HOOK3: variants seen among roughly 807,000 people sequenced by gnomAD.
HOOK3 encodes the protein protein Hook homolog 3.
Under a neutral mutation model 116.3 loss-of-function variants are expected in HOOK3, and 24 were observed. The observed-to-expected ratio is 0.21, with a 90% CI of 0.15 to 0.29. The LOEUF is 0.29. Ranked by LOEUF, HOOK3 falls within the 10% of genes least tolerant of loss-of-function variation. The probability of loss-of-function intolerance (pLI) is 1.00; values close to 1 mark genes in which losing one functional copy is unlikely to be tolerated. For synonymous variants in HOOK3, 275 were observed against 283.0 expected (o/e 0.97, Z 0.28); for missense variants, 632 against 830.2 (o/e 0.76, Z 2.93).
intron 9 of HOOK3, 143 bp downstream of exon 9, chr8:42,964,617 G>A (rs935275264): frequency 3.4e-5 from 22 of 655,388 alleles, no homozygotes; most frequent in East Asian, 5.6e-5. Flanking sequence ...ACTTGAGGTC[G>A]GGGATTCAAA....
intron 6 of HOOK3, among the ~76,000 whole-genome samples, chr8:42,955,016 G>A (rs879804388): frequency 4.7e-4 from 72 of 152,172 alleles, no homozygotes; most frequent in Non-Finnish European, 7.5e-4. Flanking sequence ...GCTGGCTGGG[G>A]AAAACAGCTC....
At chr8:42,974,085 C>A (rs1182964566) in intron 12 of HOOK3, 22 bp from the exon 13 acceptor site, 4 of 1,563,776 alleles carry the variant, frequency 2.6e-6, no homozygotes, top group Middle Eastern at 1.7e-4. Flanking sequence ...AGCTAACCCT[C>A]CATGTTTTTG....
chr8:42,901,514 A>T (rs1807188433), intron 1 of HOOK3, among the ~76,000 whole-genome samples: 1 of 152,148 alleles, frequency 6.6e-6, no homozygotes. Context: ...GAACATTTTC[A>T]TCACCCCAAA....
At chr8:43,015,877 C>T (rs962275942) in intron 21 of HOOK3, among the ~76,000 whole-genome samples, 1 of 151,806 alleles carries the variant, frequency 6.6e-6, no homozygotes, top group South Asian at 2.1e-4. Context: ...GCCACCACGC[C>T]TGGCTAATTT....
intron 11 of HOOK3, among the ~76,000 whole-genome samples, chr8:42,969,311 C>T (rs544244430): frequency 5.1e-4 from 78 of 152,308 alleles, no homozygotes; most frequent in African/African-American, 1.8e-3. Flanking sequence ...CACATCATCA[C>T]CAGCACACAG....
chr8:43,023,299 TAGTG>T lies in HOOK3; in HGVS notation c.*4810_*4813del, dbSNP rs1233147787. ...AATCCGTGCTGTGCAAATAGATCAG[TAGTG>T]AGTGAGTGTTAAGTGAAAGATGAGC... On this transcript the variant is annotated 3_prime_UTR_variant, in exon 22 of 22. Transcript: ENST00000307602. 1.7e-5 allele frequency: 3 copies of T among 181,000 alleles called. No homozygotes were observed. The highest frequency in any genetic ancestry group is 3.5e-5 in the Non-Finnish European group (3 of 85,158). 11.2% of individuals were successfully genotyped at this position (181,000 alleles called of 1,614,324 possible).
intron 13 of HOOK3, among the ~76,000 whole-genome samples, chr8:42,977,296 A>C (rs1808847904): frequency 6.6e-6 from 1 of 152,164 alleles, no homozygotes; most frequent in African/African-American, 2.4e-5. Flanking sequence ...TAAAATGGGA[A>C]CCATGCTAAG....
At chr8:42,941,274 G>C (rs913244986) in intron 4 of HOOK3, among the ~76,000 whole-genome samples, 4 of 149,422 alleles carry the variant, frequency 2.7e-5, no homozygotes, top group African/African-American at 9.7e-5. Flanking sequence ...CCAGCACTTT[G>C]GGAGGCCGAG....
rs780606144 is a variant in HOOK3, at chr8:42,956,118, T to A, written c.469-976T>A. On this transcript the variant is annotated intron_variant, in intron 6 of 21. Coordinates refer to ENST00000307602, the MANE Select transcript of HOOK3 (RefSeq NM_032410.4). ...AGGAAACAACAGAAGACTGGGGCCA[T>A]TTGAGTCTCTCCCTGACAGTTGTCA... Among the ~76,000 whole-genome samples the A allele has an allele frequency of 4.6e-5, 7 of 152,228 alleles. No homozygotes were observed. The South Asian group carries it at 1.0e-3, about 23-fold the overall frequency.
rs746419478 is a variant in HOOK3 at position 43,018,228 on chromosome 8, G to A, written c.2017-130G>A. 6 of 804,184 alleles carry A rather than the reference G, an allele frequency of 7.5e-6. No individual in the cohort carries two copies. The Admixed American group carries it at 1.1e-4, about 14-fold the overall frequency. The allele number at this position is 804,184 out of a possible 1,614,324, so 49.8% of individuals were successfully genotyped here. ...TGCCTCTATGAGATTTTAATCTATA[G>A]TGAGTAGTATTAACATTCCTAATTG... On this transcript the variant is annotated intron_variant, in intron 21 of 21. Coordinates refer to ENST00000307602, the MANE Select transcript of HOOK3 (RefSeq NM_032410.4).
chr8:42,965,663 A>G (rs542734283), intron 9 of HOOK3, among the ~76,000 whole-genome samples: 3 of 152,322 alleles, frequency 2.0e-5, no homozygotes, highest in African/African-American at 4.8e-5. Context: ...TTAAACATCA[A>G]TTAGATTTTT....
intron 14 of HOOK3, among the ~76,000 whole-genome samples, chr8:42,984,386 G>T (rs1809010328): frequency 6.6e-6 from 1 of 151,072 alleles, no homozygotes; most frequent in African/African-American, 2.4e-5. Flanking sequence ...AAAAAAATAA[G>T]AAGTACAAAC....
At chr8:42,957,051 C>A in intron 6 of HOOK3, 43 bp from the exon 7 acceptor site, 2 of 1,126,032 alleles carry the variant, frequency 1.8e-6, no homozygotes, top group South Asian at 1.5e-5. Flanking sequence ...TGTAGAATGT[C>A]TTTTTTGCCT....
At chr8:43,008,662 T>A (rs1279495259) in intron 18 of HOOK3, among the ~76,000 whole-genome samples, 48 of 148,050 alleles carry the variant, frequency 3.2e-4, no homozygotes, top group East Asian at 2.8e-3. Context: ...TTTTTATTTT[T>A]ATTTTTTTTT....
chr8:42,981,290 C>T (rs141673431), intron 13 of HOOK3, among the ~76,000 whole-genome samples: 5 of 151,612 alleles, frequency 3.3e-5, no homozygotes, highest in Non-Finnish European at 5.9e-5. Context: ...TGAGCTCAAT[C>T]GATCCGCCCA....
chr8:42,906,334 A>G (rs1807310522), intron 2 of HOOK3, 76 bp downstream of exon 2: 1 of 1,067,082 alleles, frequency 9.4e-7, no homozygotes, highest in South Asian at 1.3e-5. Context: ...GGATTAAAAA[A>G]GTACTTACAT....
intron 4 of HOOK3, among the ~76,000 whole-genome samples, chr8:42,942,463 A>T (rs775269041): frequency 1.3e-5 from 2 of 152,144 alleles, no homozygotes; most frequent in South Asian, 4.2e-4. Context: ...CTTGATCACA[A>T]CCTCTTTCCT....
chr8:42,975,638 G>A lies in HOOK3; in HGVS notation c.1321+1444G>A, dbSNP rs188937811. ...TTCTCCAGCTATCGAATTAGATGACGCTGCCGTGCTAATTTCTCCAAAGGA... is the reference window on the plus strand; with the variant it reads ...TTCTCCAGCTATCGAATTAGATGACACTGCCGTGCTAATTTCTCCAAAGGA... On this transcript the variant is annotated intron_variant, in intron 13 of 21. Coordinates refer to ENST00000307602, the MANE Select transcript of HOOK3 (RefSeq NM_032410.4). 1.3e-3 allele frequency among the ~76,000 whole-genome samples: 202 copies of A among 152,314 alleles called. 4 individuals carry two copies. Among genetic ancestry groups the A allele is most frequent in the Middle Eastern group, 6.8e-3 (2 of 294 alleles).
rs1809839143 is a variant in HOOK3 at position 43,022,031 on chromosome 8, G to C, written c.*3533G>C. The C allele has an allele frequency of 5.5e-6, 1 of 181,082 alleles. No homozygotes were observed. The highest frequency in any genetic ancestry group is 1.2e-5 in the Non-Finnish European group (1 of 86,898). The allele number at this position is 181,082 out of a possible 1,614,324, so 11.2% of individuals were successfully genotyped here. A position where few individuals can be genotyped will look rare whatever the true frequency, so the allele number is the denominator to read the frequency against. On this transcript the variant is annotated 3_prime_UTR_variant, in exon 22 of 22. Coordinates refer to ENST00000307602, the MANE Select transcript of HOOK3 (RefSeq NM_032410.4). ...TCAGTGTATTAGTTTCATTACATAG[G>C]AGAAATTATATTTCTAAACATTTTA...
Sources: gnomAD v4.1 joint callset for allele counts (sites outside exome capture counted in the v4.1 genomes callset) on GRCh38, gnomAD v4.1.1 for gene constraint, MANE v1.5 for transcripts, NCBI Gene and HGNC (gene_info 2026-07-23, HGNC 2026-07-21) for gene names.